The following PSMD14 variants were observed in gnomAD, a reference collection of about 807,000 sequenced individuals.
PSMD14 encodes the protein proteasome 26S subunit, non-ATPase 14.
In PSMD14, 7 loss-of-function variants were observed where a neutral mutation model predicts 41.2. The observed-to-expected ratio is 0.17, with a 90% CI of 0.10 to 0.32. The LOEUF (loss-of-function observed/expected upper bound fraction) is 0.32, where lower values mean the gene tolerates loss of function less well. PSMD14 is among the 10% of genes least tolerant of loss of function. The probability of loss-of-function intolerance (pLI) is 1.00; values close to 1 mark genes in which losing one functional copy is unlikely to be tolerated. For missense variants in PSMD14, 139 were observed against 375.6 expected (o/e 0.37, Z 5.21); for synonymous variants, 114 against 122.3 (o/e 0.93, Z 0.45).
intron 3 of PSMD14, among the ~76,000 whole-genome samples, chr2:161,364,959 C>A (rs1054148137): frequency 1.2e-4 from 19 of 152,010 alleles, no homozygotes; most frequent in Non-Finnish European, 2.9e-5. Flanking sequence ...AAAAAATCAG[C>A]CTGGCGTGGT....
chr2:161,344,804 CAT>C (rs1488209467), intron 3 of PSMD14, among the ~76,000 whole-genome samples: 1 of 152,172 alleles, frequency 6.6e-6, no homozygotes, highest in Non-Finnish European at 1.5e-5. Context: ...CAAGCCTGCT[CAT>C]ATGATTTTCA....
intron 10 of PSMD14, among the ~76,000 whole-genome samples, chr2:161,396,028 GT>G: frequency 6.6e-6 from 1 of 152,288 alleles, no homozygotes; most frequent in Non-Finnish European, 1.5e-5. Context: ...TACTCTTGTA[GT>G]TAGACATTAG....
chr2:161,347,378 A>T (rs1202904018), intron 3 of PSMD14, among the ~76,000 whole-genome samples: 2 of 152,088 alleles, frequency 1.3e-5, no homozygotes, highest in Admixed American at 6.5e-5. Context: ...CGAACTACTC[A>T]AGGAATCCTC....
At chr2:161,406,792 C>T (rs1335979783) in intron 10 of PSMD14, among the ~76,000 whole-genome samples, 1 of 152,024 alleles carries the variant, frequency 6.6e-6, no homozygotes, top group African/African-American at 2.4e-5. Flanking sequence ...TTTGTGAACT[C>T]TCTCTTTTAA....
At chr2:161,403,270 A>G (rs1433189241) in intron 10 of PSMD14, among the ~76,000 whole-genome samples, 1 of 152,228 alleles carries the variant, frequency 6.6e-6, no homozygotes, top group Non-Finnish European at 1.5e-5. Context: ...AAAACATGGT[A>G]AGTGAAAGAA....
At chr2:161,365,063 G>T (rs569289877) in intron 3 of PSMD14, among the ~76,000 whole-genome samples, 1 of 152,050 alleles carries the variant, frequency 6.6e-6, no homozygotes, top group Non-Finnish European at 1.5e-5. Flanking sequence ...CCAAGATCGC[G>T]CCATTGCACT....
intron 3 of PSMD14, among the ~76,000 whole-genome samples, chr2:161,349,696 A>G (rs1385847936): frequency 6.6e-6 from 1 of 152,060 alleles, no homozygotes; most frequent in East Asian, 1.9e-4. Flanking sequence ...TGATGAGGAG[A>G]AGAGTTGTAG....
intron 3 of PSMD14, among the ~76,000 whole-genome samples, chr2:161,332,429 A>C (rs1682807556): frequency 2.0e-5 from 3 of 152,228 alleles, no homozygotes; most frequent in Non-Finnish European, 2.9e-5. Context: ...TTGTTAAGCT[A>C]ATTTCAATGA....
At chr2:161,376,532 T>C (rs543636319) in intron 7 of PSMD14, among the ~76,000 whole-genome samples, 1 of 152,074 alleles carries the variant, frequency 6.6e-6, no homozygotes, top group Admixed American at 6.6e-5. Flanking sequence ...TGGTAATGAC[T>C]ACAAAAGAAA....
chr2:161,326,526 G>A (rs545018675), intron 3 of PSMD14, among the ~76,000 whole-genome samples: 46 of 152,286 alleles, frequency 3.0e-4, no homozygotes, highest in Non-Finnish European at 4.4e-4. Flanking sequence ...TAGGATTACC[G>A]TATAATCCAG....
At chr2:161,311,112 C>T (rs1256459627) in intron 1 of PSMD14, among the ~76,000 whole-genome samples, 1 of 152,170 alleles carries the variant, frequency 6.6e-6, no homozygotes, top group African/African-American at 2.4e-5. Context: ...TCCAGTCTGG[C>T]CAACATGGCG....
chr2:161,391,025 G>A, intron 8 of PSMD14, 79 bp from the exon 9 acceptor site: 1 of 1,275,348 alleles, frequency 7.8e-7, no homozygotes, highest in Non-Finnish European at 1.0e-6. Context: ...TATTATGTAA[G>A]AATATATCAA....
intron 10 of PSMD14, among the ~76,000 whole-genome samples, chr2:161,402,545 G>GT: frequency 6.6e-6 from 1 of 152,194 alleles, no homozygotes; most frequent in East Asian, 1.9e-4. Context: ...GGATGTTGAG[G>GT]TGGGAGGATC....
chr2:161,315,914 G>A (rs1689142840), intron 1 of PSMD14, among the ~76,000 whole-genome samples: 1 of 148,824 alleles, frequency 6.7e-6, no homozygotes, highest in African/African-American at 2.5e-5. Flanking sequence ...CGCGTTCTCG[G>A]CTCATTGCAA....
rs1434571417 is a variant in PSMD14 at position 161,411,374 on chromosome 2, A to G, written c.907A>G (p.Met303Val). Residue 303 changes from methionine to valine, a missense_variant, in exon 12 of 12, where the codon ATG becomes GTG. Physicochemically the swap from Met to Val is conservative, Grantham distance 21. Coordinates refer to ENST00000409682, the MANE Select transcript of PSMD14 (RefSeq NM_005805.6). ...AAATATTGTCCAGTGTTTAGCAGCT[A>G]TGTTGGATACTGTCGTATTTAAATA... ...TSNIVQCLAAMLDTVVFK is the reference protein window; with the variant it reads ...TSNIVQCLAAVLDTVVFK 1.2e-6 allele frequency: 2 copies of G among 1,608,822 alleles called. No individual in the cohort carries two copies. Among genetic ancestry groups the G allele is most frequent in the Non-Finnish European group, 8.5e-7 (1 of 1,176,816 alleles).
At chr2:161,318,018 G>A (rs150827211) in intron 2 of PSMD14, among the ~76,000 whole-genome samples, 73 of 152,200 alleles carry the variant, frequency 4.8e-4, no homozygotes, top group African/African-American at 1.7e-3. Context: ...CTTCTTCTGT[G>A]AGGTTTTCAA....
intron 3 of PSMD14, among the ~76,000 whole-genome samples, chr2:161,324,116 A>C (rs1412143364): frequency 1.3e-5 from 2 of 152,226 alleles, no homozygotes; most frequent in Non-Finnish European, 2.9e-5. Flanking sequence ...AACTTAAGCA[A>C]AATGTCAGTG....
chr2:161,336,813 T>TGATC (rs1682878765), intron 3 of PSMD14, among the ~76,000 whole-genome samples: 1 of 152,140 alleles, frequency 6.6e-6, no homozygotes, highest in African/African-American at 2.4e-5. Context: ...TGGCCTCAGG[T>TGATC]GATCCACTGC....
At chr2:161,319,969 TTTCTTCATGA>T (rs1456207116) in intron 3 of PSMD14, among the ~76,000 whole-genome samples, 1 of 152,222 alleles carries the variant, frequency 6.6e-6, no homozygotes, top group Non-Finnish European at 1.5e-5. Context: ...TGTCAGCCTA[TTTCTTCATGA>T]TTCTTCATTT....
Sources: allele counts gnomAD v4.1 joint callset (sites outside exome capture counted in the v4.1 genomes callset), GRCh38; gene constraint gnomAD v4.1.1; transcripts MANE v1.5; gene names NCBI Gene and HGNC (gene_info 2026-07-23, HGNC 2026-07-21).